PPP2R5C: variants seen among roughly 807,000 people sequenced by gnomAD.
PPP2R5C encodes the protein protein phosphatase 2 regulatory subunit B'gamma, also known as serine/threonine-protein phosphatase 2A 56 kDa regulatory subunit gamma isoform.
A neutral mutation model predicts 68.9 loss-of-function variants in PPP2R5C; 7 were observed. That is an observed-to-expected ratio of 0.10 (90% CI 0.06 to 0.19). The LOEUF (loss-of-function observed/expected upper bound fraction) is 0.19. PPP2R5C is among the 10% of genes least tolerant of loss of function. PPP2R5C has a pLI of 1.00. For missense variants in PPP2R5C, 348 were observed against 641.3 expected, an observed-to-expected ratio of 0.54 and a Z score of 4.94; for synonymous variants, 210 against 222.2, an observed-to-expected ratio of 0.95 and a Z score of 0.49.
At chr14:101,816,761 A>C (rs1173822435) in intron 1 of PPP2R5C, among the ~76,000 whole-genome samples, 1 of 151,214 alleles carries the variant, frequency 6.6e-6, no homozygotes, top group Non-Finnish European at 1.5e-5. Flanking sequence ...AAGCATGAAC[A>C]GTTGTTGAAT....
At chr14:101,802,103 A>T (rs1473182405) in intron 3 of PPP2R5C, among the ~76,000 whole-genome samples, 1 of 152,202 alleles carries the variant, frequency 6.6e-6, no homozygotes, top group Non-Finnish European at 1.5e-5. Flanking sequence ...AAAACTGGGT[A>T]CTCACATGCA....
At position 101,784,853 on chromosome 14, in the gene PPP2R5C, A is replaced by G. The variant is rs1274080525; in HGVS notation, c.94-1165A>G. Among the ~76,000 whole-genome samples the G allele has an allele frequency of 3.3e-5, 5 of 152,314 alleles. No homozygotes were observed. In the East Asian group the frequency reaches 9.6e-4, roughly 29 times the overall value. ...CTGCTGGATAGTGGTCGCAGCAAAC[A>G]GCTGTGGGCCAGGTCACTGCTTGCT... On this transcript the variant is annotated intron_variant, in intron 2 of 14. Transcript: ENST00000328724.
intron 1 of PPP2R5C, among the ~76,000 whole-genome samples, chr14:101,832,085 AAT>A (rs1412975058): frequency 6.6e-6 from 1 of 152,256 alleles, no homozygotes; most frequent in Non-Finnish European, 1.5e-5. Context: ...ATGTCCTCAT[AAT>A]GAAAAGGAGC....
intron 2 of PPP2R5C, among the ~76,000 whole-genome samples, chr14:101,867,275 C>T (rs1040307935): frequency 4.0e-5 from 6 of 151,580 alleles, no homozygotes; most frequent in Admixed American, 2.6e-4. Flanking sequence ...GTGGCGCACG[C>T]CTGCACCTAT....
intron 2 of PPP2R5C, among the ~76,000 whole-genome samples, chr14:101,857,659 G>A (rs1186794905): frequency 6.6e-6 from 1 of 152,202 alleles, no homozygotes; most frequent in Non-Finnish European, 1.5e-5. Flanking sequence ...ACTTCATTCA[G>A]TGCCATTACC....
chr14:101,761,803 CGCGGGGGCGCGACGGCCGGG>C (rs1333776227), upstream of PPP2R5C: 6 of 897,284 alleles, frequency 6.7e-6, no homozygotes, highest in South Asian at 5.2e-5. Flanking sequence ...CGGCGGCGGC[CGCGGGGGCGCGACGGCCGGG>C]GCGGGGGCGC....
intron 1 of PPP2R5C, among the ~76,000 whole-genome samples, chr14:101,830,489 C>T (rs760094766): frequency 3.9e-5 from 6 of 152,326 alleles, no homozygotes; most frequent in Non-Finnish European, 8.8e-5. Flanking sequence ...ATCAGAGCAA[C>T]AGAAAATCCA....
At position 101,891,035 on chromosome 14, in the gene PPP2R5C, G is replaced by A. The variant is rs576949726; in HGVS notation, c.689+739G>A. Among the ~76,000 whole-genome samples, 1 of 152,194 alleles carries A rather than the reference G, an allele frequency of 6.6e-6. No homozygotes were observed. The highest frequency in any genetic ancestry group is 1.9e-4 in the East Asian group (1 of 5,176). The stretch of plus-strand genomic sequence containing the variant: ...TGATCTGCCCGCCTCACCTCCCAAA[G>A]TGCTGAGATTACAGGCATGAGCCAC... On this transcript the variant is annotated intron_variant, in intron 6 of 13. Transcript: ENST00000334743. The surrounding 1 kb of genome is among the most constrained non-coding windows in gnomAD (Gnocchi z 4.9).
intron 8 of PPP2R5C, among the ~76,000 whole-genome samples, chr14:101,901,331 G>A (rs545071555): frequency 2.6e-5 from 4 of 152,204 alleles, no homozygotes; most frequent in Non-Finnish European, 4.4e-5. Context: ...ATCAGAGAAA[G>A]TGGGTTATAT....
intron 3 of PPP2R5C, among the ~76,000 whole-genome samples, chr14:101,792,742 T>G (rs2038416053): frequency 6.6e-6 from 1 of 152,176 alleles, no homozygotes; most frequent in African/African-American, 2.4e-5. Flanking sequence ...TTAGGGTAGC[T>G]CGTGTGTTTT....
chr14:101,769,404 G>T (rs962826577), intron 2 of PPP2R5C, among the ~76,000 whole-genome samples: 1 of 152,210 alleles, frequency 6.6e-6, no homozygotes, highest in Non-Finnish European at 1.5e-5. Context: ...CTAGAGTCAA[G>T]AAGTATTGAG....
chr14:101,809,868 C>CT (rs879172241), upstream of PPP2R5C: 7,342 of 1,191,586 alleles, frequency 6.2e-3, no homozygotes, highest in South Asian at 0.014. Context: ...TTCAGTTTGT[C>CT]TTTTTTTTTT....
intron 5 of PPP2R5C, 106 bp from the exon 8 acceptor site, chr14:101,890,131 A>C: frequency 9.7e-7 from 1 of 1,030,608 alleles, no homozygotes; most frequent in Non-Finnish European, 1.5e-6. Flanking sequence ...GTTTGCACAA[A>C]TAGATGCGCT....
chr14:101,925,027 C>T (rs1021241805), intron 13 of PPP2R5C, 114 bp from the exon 16 acceptor site: 1 of 1,214,324 alleles, frequency 8.2e-7, no homozygotes, highest in Non-Finnish European at 1.2e-6. Flanking sequence ...GTGCCGCCAG[C>T]GAGTGGGTGA....
intron 2 of PPP2R5C, among the ~76,000 whole-genome samples, chr14:101,773,417 C>T (rs1005592405): frequency 2.6e-5 from 4 of 151,972 alleles, no homozygotes; most frequent in Non-Finnish European, 5.9e-5. Context: ...AAGCAGATGA[C>T]ATGAAAAGTG....
At chr14:101,812,014 T>G (rs1164471396) in intron 1 of PPP2R5C, among the ~76,000 whole-genome samples, 3 of 152,210 alleles carry the variant, frequency 2.0e-5, no homozygotes, top group African/African-American at 7.2e-5. Context: ...AGGGATAACT[T>G]TGGAGACCTA....
intron 1 of PPP2R5C, chr14:101,823,643 G>A (rs1474333454): frequency 8.0e-6 from 4 of 502,544 alleles, no homozygotes; most frequent in Non-Finnish European, 7.9e-6. Flanking sequence ...CTTTGACAGC[G>A]GTGGAAACTG....
chr14:101,800,552 G>A lies in PPP2R5C; in HGVS notation c.259+14369G>A, dbSNP rs369716286. ...CACTCCAGCCTGGGCAACAGAGCAA[G>A]ACTCTAACTCAAAATAAAATAAAAA... is the stretch of plus-strand genomic sequence containing the variant. On this transcript the variant is annotated intron_variant, in intron 3 of 14. Transcript: ENST00000328724. 5.1e-4 allele frequency among the ~76,000 whole-genome samples: 77 copies of A among 150,020 alleles called. 1 individual carries two copies. The highest frequency in any genetic ancestry group is 1.8e-3 in the African/African-American group (72 of 40,740).
intron 1 of PPP2R5C, among the ~76,000 whole-genome samples, chr14:101,850,119 A>G (rs551404876): frequency 1.5e-4 from 22 of 150,418 alleles, no homozygotes; most frequent in Admixed American, 1.3e-3. Flanking sequence ...CATCAAATCA[A>G]TGGTTAGCTA....
Sources: allele counts gnomAD v4.1 joint callset (sites outside exome capture counted in the v4.1 genomes callset), GRCh38; gene constraint gnomAD v4.1.1; non-coding constraint Gnocchi (gnomAD v3.1); transcripts MANE v1.5; gene names NCBI Gene and HGNC (gene_info 2026-07-23, HGNC 2026-07-21).